The following FOCAD variants were observed in gnomAD, a reference collection of about 807,000 sequenced individuals.
FOCAD encodes the protein KIAA1797.
A neutral mutation model predicts 225.6 loss-of-function variants in FOCAD; 198 were observed. That is an observed-to-expected ratio of 0.88 (90% confidence interval 0.78 to 0.99). The LOEUF is 0.99. Among genes scored for constraint, FOCAD ranks in the 50% least tolerant of loss-of-function variants. The pLI is 0.00. For synonymous variants in FOCAD, 897 were observed against 755.0 expected, an observed-to-expected ratio of 1.19 and a Z score of -3.08; for missense variants, 2,713 against 2,123.6, an observed-to-expected ratio of 1.28 and a Z score of -5.46.
chr9:20,973,216 T>C (rs558462643), intron 35 of FOCAD, among the ~76,000 whole-genome samples: 1 of 151,512 alleles, frequency 6.6e-6, no homozygotes, highest in South Asian at 2.1e-4. Context: ...TGGTTCCCTC[T>C]TCTTTCAGCA....
intron 35 of FOCAD, among the ~76,000 whole-genome samples, chr9:20,968,369 G>A (rs1839452093): frequency 7.0e-6 from 1 of 142,174 alleles, no homozygotes; most frequent in Non-Finnish European, 1.5e-5. Flanking sequence ...ATAACAGTTT[G>A]CCAATTTTGT....
chr9:20,895,427 T>C (rs1245934009), intron 21 of FOCAD, among the ~76,000 whole-genome samples: 1 of 151,986 alleles, frequency 6.6e-6, no homozygotes, highest in African/African-American at 2.4e-5. Context: ...CCTGACAATA[T>C]TGAGCTTTCA....
chr9:20,924,382 A>G (rs1017821061), intron 25 of FOCAD, among the ~76,000 whole-genome samples: 34 of 152,222 alleles, frequency 2.2e-4, no homozygotes, highest in African/African-American at 7.0e-4. Flanking sequence ...AGAAAGTCCT[A>G]TATTTAGATC....
chr9:20,945,045 G>A (rs1037757535), intron 29 of FOCAD, among the ~76,000 whole-genome samples: 3 of 152,204 alleles, frequency 2.0e-5, no homozygotes, highest in African/African-American at 7.2e-5. Context: ...TTTCTAAGAA[G>A]AGCTGCAATT....
At chr9:20,816,835 C>T (rs772414130) in intron 11 of FOCAD, among the ~76,000 whole-genome samples, 2 of 152,022 alleles carry the variant, frequency 1.3e-5, no homozygotes, top group Non-Finnish European at 2.9e-5. Context: ...TATGAATAAA[C>T]AATATAGTAC....
chr9:20,991,524 A>C (rs926630587), intron 42 of FOCAD, among the ~76,000 whole-genome samples: 4 of 152,156 alleles, frequency 2.6e-5, no homozygotes, highest in African/African-American at 9.7e-5. Context: ...ATTTAAAATC[A>C]AATTTTGGCT....
At chr9:20,709,869 C>T (rs1224310092) in intron 1 of FOCAD, among the ~76,000 whole-genome samples, 2 of 152,184 alleles carry the variant, frequency 1.3e-5, no homozygotes, top group Non-Finnish European at 2.9e-5. Flanking sequence ...TGGTATTTGT[C>T]ATCTGTACTT....
Position 20,798,466 on chromosome 9 carries a change from G to C in FOCAD, c.1455+8858G>C, listed in dbSNP as rs751856892. On this transcript the variant is annotated intron_variant, in intron 11 of 43. Transcript: ENST00000338382. ...CCTCTGGTAGAATTCGGCTGTGAATGCATCTGGTCCTGGACTTTTTTTGGT... is the reference window on the plus strand; with the variant it reads ...CCTCTGGTAGAATTCGGCTGTGAATCCATCTGGTCCTGGACTTTTTTTGGT... 2.1e-4 allele frequency among the ~76,000 whole-genome samples: 32 copies of C among 152,076 alleles called. 1 individual carries two copies. The highest frequency in any genetic ancestry group is 4.1e-4 in the African/African-American group (17 of 41,492).
intron 25 of FOCAD, among the ~76,000 whole-genome samples, chr9:20,925,310 AT>A (rs1034998035): frequency 2.6e-5 from 4 of 152,156 alleles, no homozygotes; most frequent in Non-Finnish European, 5.9e-5. Context: ...CTTTGGTGTT[AT>A]TTTTGTTGAA....
intron 3 of FOCAD, among the ~76,000 whole-genome samples, chr9:20,718,191 A>G (rs1476974177): frequency 6.6e-6 from 1 of 152,190 alleles, no homozygotes; most frequent in East Asian, 1.9e-4. Context: ...GTTACCTCTG[A>G]GGGAATTATT....
chr9:20,871,763 T>TG (rs1395945309), intron 18 of FOCAD, among the ~76,000 whole-genome samples: 1 of 44,632 alleles, frequency 2.2e-5, no homozygotes, highest in East Asian at 7.8e-4. Flanking sequence ...TGTTGTGGGG[T>TG]GGGGGGTGGG....
chr9:20,929,408 C>T lies in FOCAD; in HGVS notation c.3129C>T (p.Ala1043=), dbSNP rs368218644. Residue 1043 remains alanine (A), a synonymous_variant, in exon 27 of 44, where the codon GCC becomes GCT. Coordinates refer to ENST00000338382, the MANE Select transcript of FOCAD (RefSeq NM_001375567.1). ...NTASAIARSA[A]ATALSLLVPV... ...CTAGTGCCATTGCCCGTTCTGCTGC[C>T]GCCACGGCTTTGTCTCTCCTTGTGC... The T allele has an allele frequency of 2.0e-5, 32 of 1,613,936 alleles. No homozygotes were observed. Among genetic ancestry groups the T allele is most frequent in the East Asian group, 6.7e-5 (3 of 44,890 alleles).
At chr9:20,741,799 A>C (rs1827639975) in intron 5 of FOCAD, among the ~76,000 whole-genome samples, 1 of 150,120 alleles carries the variant, frequency 6.7e-6, no homozygotes, top group Non-Finnish European at 1.5e-5. Context: ...AATATTTCTG[A>C]ATAAACATCT....
At chr9:20,724,644 C>T (rs1016682140) in intron 4 of FOCAD, among the ~76,000 whole-genome samples, 3 of 151,872 alleles carry the variant, frequency 2.0e-5, no homozygotes, top group East Asian at 1.9e-4. Flanking sequence ...TGTCAGAAAA[C>T]GTAATTTTCT....
chr9:20,689,622 T>G (rs1157267385), intron 1 of FOCAD, among the ~76,000 whole-genome samples: 1 of 152,106 alleles, frequency 6.6e-6, no homozygotes, highest in African/African-American at 2.4e-5. Context: ...TAAGAAAGCT[T>G]ATTGACTATG....
At chr9:20,667,628 C>T (rs935315856) in intron 2 of FOCAD, among the ~76,000 whole-genome samples, 1 of 152,186 alleles carries the variant, frequency 6.6e-6, no homozygotes, top group African/African-American at 2.4e-5. Context: ...ACCCAGGAAA[C>T]CACTGCAGAA....
intron 21 of FOCAD, among the ~76,000 whole-genome samples, chr9:20,889,771 C>T (rs966758232): frequency 6.6e-6 from 1 of 152,050 alleles, no homozygotes; most frequent in African/African-American, 2.4e-5. Context: ...TAAGAAACCA[C>T]AAAAAAGTTT....
At chr9:20,943,054 G>A (rs1353848447) in intron 28 of FOCAD, among the ~76,000 whole-genome samples, 1 of 152,168 alleles carries the variant, frequency 6.6e-6, no homozygotes, top group African/African-American at 2.4e-5. Context: ...ATTGTTATAT[G>A]CATCAATATA....
intron 11 of FOCAD, among the ~76,000 whole-genome samples, chr9:20,790,285 G>C (rs1011153803): frequency 6.6e-6 from 1 of 152,066 alleles, no homozygotes; most frequent in Non-Finnish European, 1.5e-5. Context: ...AGAATCTCTA[G>C]AATGCATTTC....
Sources: allele counts gnomAD v4.1 joint callset (sites outside exome capture counted in the v4.1 genomes callset), GRCh38; gene constraint gnomAD v4.1.1; transcripts MANE v1.5; gene names NCBI Gene and HGNC (gene_info 2026-07-23, HGNC 2026-07-21).